The following AAK1 variants were observed in gnomAD, a reference collection of about 807,000 sequenced individuals.
AAK1 encodes the protein AP2 associated kinase 1, also known as AP2-associated protein kinase 1.
AAK1 carries 37 observed loss-of-function variants against 116.0 expected under a neutral mutation model. The ratio of observed to expected loss-of-function variants is 0.32; its 90% confidence interval spans 0.25 to 0.42. The LOEUF (loss-of-function observed/expected upper bound fraction) is 0.42, where lower values mean the gene tolerates loss of function less well. AAK1 is among the 10% of genes least tolerant of loss of function. AAK1 has a pLI of 1.00. For synonymous variants in AAK1, 458 were observed against 439.9 expected (o/e 1.04, Z -0.51); for missense variants, 919 against 1,170.6 (o/e 0.79, Z 3.14).
intron 9 of AAK1, among the ~76,000 whole-genome samples, chr2:69,526,533 C>T (rs1670031829): frequency 6.6e-6 from 1 of 152,138 alleles, no homozygotes. Flanking sequence ...GTCTTGAACT[C>T]CTGACCTCAG....
chr2:69,469,081 A>C lies in AAK1; in HGVS notation c.*6788T>G. ...TTCCTATCTTTCTTTCAGCATCAAC[A>C]GGCTTTGTAGGAATGGAAAAGTACA... On this transcript the variant is annotated 3_prime_UTR_variant, in exon 22 of 22. Coordinates refer to ENST00000409085, the MANE Select transcript of AAK1 (RefSeq NM_014911.5). The C allele has an allele frequency of 1.0e-6, 1 of 985,452 alleles. No individual in the cohort carries two copies. Among genetic ancestry groups the C allele is most frequent in the Non-Finnish European group, 1.2e-6 (1 of 829,936 alleles). The allele number at this position is 985,452 out of a possible 1,614,324, so 61.0% of individuals were successfully genotyped here. A position where few individuals can be genotyped will look rare whatever the true frequency, so the allele number is the denominator to read the frequency against.
chr2:69,558,029 G>C (rs1323182018), intron 2 of AAK1, among the ~76,000 whole-genome samples: 1 of 152,114 alleles, frequency 6.6e-6, no homozygotes, highest in African/African-American at 2.4e-5. Context: ...TTCTCTAAAA[G>C]ACAGTTCACA....
At chr2:69,587,461 G>T in intron 2 of AAK1, among the ~76,000 whole-genome samples, 1 of 137,742 alleles carries the variant, frequency 7.3e-6, no homozygotes, top group East Asian at 2.1e-4. Flanking sequence ...ATATGTGTGT[G>T]TATATATATA....
chr2:69,553,452 T>TG (rs1241124720), intron 3 of AAK1, among the ~76,000 whole-genome samples: 5 of 140,236 alleles, frequency 3.6e-5, no homozygotes, highest in African/African-American at 1.3e-4. Context: ...TTTTTTTTTT[T>TG]TTTTTTTTTT....
intron 11 of AAK1, 47 bp from the exon 12 acceptor site, chr2:69,519,287 C>A: frequency 6.8e-7 from 1 of 1,473,366 alleles, no homozygotes; most frequent in South Asian, 1.4e-5. Flanking sequence ...TGCTTCCACA[C>A]AAAAATGGCT....
Position 69,470,556 on chromosome 2 carries a change from C to T in AAK1, c.*5313G>A. ...TGAGGCAATTAAATGAGTGAGTTTT[C>T]TCACTGGGGATAAAATTATTCTTGC... On this transcript the variant is annotated 3_prime_UTR_variant, in exon 22 of 22. Transcript: ENST00000409085. The T allele has an allele frequency of 1.0e-6, 1 of 985,422 alleles. No individual in the cohort carries two copies. Among genetic ancestry groups the T allele is most frequent in the Non-Finnish European group, 1.2e-6 (1 of 829,936 alleles). The allele number at this position is 985,422 out of a possible 1,614,324, so 61.0% of individuals were successfully genotyped here.
At chr2:69,534,602 C>T (rs189825229) in intron 5 of AAK1, among the ~76,000 whole-genome samples, 8 of 152,326 alleles carry the variant, frequency 5.3e-5, no homozygotes, top group Admixed American at 5.2e-4. Flanking sequence ...TTCTCCACTC[C>T]AGTTGTAACT....
At chr2:69,521,115 C>T (rs1669758962) in intron 10 of AAK1, 127 bp from the exon 11 acceptor site, 3 of 1,014,032 alleles carry the variant, frequency 3.0e-6, no homozygotes, top group Admixed American at 4.7e-5. Flanking sequence ...CGATGCTTCC[C>T]AAAGAATCTC....
chr2:69,547,568 T>G (rs987303787), intron 3 of AAK1, among the ~76,000 whole-genome samples: 1 of 152,106 alleles, frequency 6.6e-6, no homozygotes, highest in East Asian at 1.9e-4. Context: ...TGAAATACCA[T>G]TTCACACCCA....
Position 69,643,241 on chromosome 2 carries a change from C to T in AAK1, c.-201G>A. 6.4e-6 allele frequency: 9 copies of T among 1,409,012 alleles called. No homozygotes were observed. The highest frequency in any genetic ancestry group is 6.4e-6 in the Non-Finnish European group (7 of 1,089,074). 87.3% of individuals were successfully genotyped at this position (1,409,012 alleles called of 1,614,324 possible). On this transcript the variant is annotated 5_prime_UTR_variant, in exon 2 of 22. Coordinates refer to ENST00000409085, the MANE Select transcript of AAK1 (RefSeq NM_014911.5). ...GTGTCAATCGCGCAGCGGGTCCCCT[C>T]CTCCTCCAGAAAGCGATTCGTGTAA...
chr2:69,633,043 A>T (rs11887627), intron 2 of AAK1, among the ~76,000 whole-genome samples: 6,317 of 151,138 alleles, frequency 0.042, 381 homozygotes, highest in East Asian at 0.16. Flanking sequence ...AATAAAAAAA[A>T]TAAATAAAAA....
At chr2:69,605,926 T>C (rs547270022) in intron 2 of AAK1, among the ~76,000 whole-genome samples, 2 of 152,210 alleles carry the variant, frequency 1.3e-5, no homozygotes, top group Admixed American at 1.3e-4. Context: ...ATCTGTGGCA[T>C]TCAAGGCCTT....
intron 2 of AAK1, among the ~76,000 whole-genome samples, chr2:69,641,226 G>C (rs59340002): frequency 1.3e-5 from 2 of 152,304 alleles, no homozygotes; most frequent in East Asian, 3.9e-4. Flanking sequence ...CAAAACGCTC[G>C]TGGGCTATAA....
In AAK1 at chr2:69,636,329, A is replaced by G. The variant is rs1216625269; in HGVS notation, c.163+6549T>C. Among the ~76,000 whole-genome samples, 4 of 152,248 alleles carry G rather than the reference A, an allele frequency of 2.6e-5. No homozygotes were observed. In the East Asian group the frequency reaches 7.7e-4, roughly 29 times the overall value. On this transcript the variant is annotated intron_variant, in intron 2 of 21. Transcript: ENST00000409085. ...GCAATGTAGACACAATCACAATTGA[A>G]TAAGTTAACCAAAATCTTGTTGAGA...
At chr2:69,479,935 A>G (rs1675018714) in intron 19 of AAK1, among the ~76,000 whole-genome samples, 1 of 152,030 alleles carries the variant, frequency 6.6e-6, no homozygotes, top group Admixed American at 6.6e-5. Flanking sequence ...TTGTATTTTT[A>G]GTGGAGACGG....
chr2:69,580,781 T>C (rs1350781723), intron 2 of AAK1, among the ~76,000 whole-genome samples: 2 of 152,234 alleles, frequency 1.3e-5, no homozygotes, highest in Admixed American at 1.3e-4. Flanking sequence ...AGCTCTCCTA[T>C]CTATAAAACC....
At chr2:69,594,533 A>C (rs1235285311) in intron 2 of AAK1, among the ~76,000 whole-genome samples, 2 of 152,240 alleles carry the variant, frequency 1.3e-5, no homozygotes, top group Non-Finnish European at 2.9e-5. Context: ...GCAGAGAGCC[A>C]TGTTTTCATG....
intron 2 of AAK1, among the ~76,000 whole-genome samples, chr2:69,568,425 C>CTT (rs61271799): frequency 9.8e-5 from 12 of 122,190 alleles, no homozygotes; most frequent in South Asian, 2.7e-4. Flanking sequence ...ATGTTTTCAA[C>CTT]TTTTTTTTTT....
chr2:69,598,376 T>C (rs1673399886), intron 2 of AAK1: 3 of 324,690 alleles, frequency 9.2e-6, no homozygotes, highest in Middle Eastern at 4.0e-4. Context: ...GGTTATAAAA[T>C]GTCCAGAGGT....
Sources: gnomAD v4.1 joint callset for allele counts (sites outside exome capture counted in the v4.1 genomes callset) on GRCh38, gnomAD v4.1.1 for gene constraint, MANE v1.5 for transcripts, NCBI Gene and HGNC (gene_info 2026-07-23, HGNC 2026-07-21) for gene names.